The following MAML3 variants were observed in gnomAD, a reference collection of about 807,000 sequenced individuals.
MAML3 encodes mastermind-like protein 3.
Under a neutral mutation model 101.9 loss-of-function variants are expected in MAML3, and 27 were observed. The ratio of observed to expected loss-of-function variants is 0.27; its 90% CI spans 0.20 to 0.37. The LOEUF is 0.37. Among genes scored for constraint, MAML3 ranks in the 10% least tolerant of loss-of-function variants. The probability of loss-of-function intolerance (pLI) is 1.00; values close to 1 mark genes in which losing one functional copy is unlikely to be tolerated. For synonymous variants in MAML3, 501 were observed against 555.9 expected (o/e 0.90, Z 1.39); for missense variants, 1,316 against 1,444.9 (o/e 0.91, Z 1.45).
At chr4:139,746,040 A>G (rs1729309144) in intron 2 of MAML3, among the ~76,000 whole-genome samples, 1 of 152,256 alleles carries the variant, frequency 6.6e-6, no homozygotes, top group African/African-American at 2.4e-5. Context: ...CGAAAGTTCT[A>G]TGGTGGCCCA....
At chr4:139,858,452 C>CTTTT (rs59968954) in intron 2 of MAML3, among the ~76,000 whole-genome samples, 1 of 131,388 alleles carries the variant, frequency 7.6e-6, no homozygotes. Flanking sequence ...TGATTCTTGG[C>CTTTT]TTTTTTTTTT....
At chr4:139,935,684 T>C (rs1482262268) in intron 1 of MAML3, among the ~76,000 whole-genome samples, 3 of 151,982 alleles carry the variant, frequency 2.0e-5, no homozygotes, top group African/African-American at 7.2e-5. Context: ...TGTGGGGTTT[T>C]AGTTTTTAAA....
chr4:140,103,447 G>C (rs2110999355), intron 1 of MAML3, among the ~76,000 whole-genome samples: 1 of 152,190 alleles, frequency 6.6e-6, no homozygotes, highest in African/African-American at 2.4e-5. Flanking sequence ...CATTTAAATG[G>C]GTATTTGTGT....
intron 2 of MAML3, among the ~76,000 whole-genome samples, chr4:139,793,947 A>G (rs540181278): frequency 6.6e-6 from 1 of 152,346 alleles, no homozygotes; most frequent in East Asian, 1.9e-4. Flanking sequence ...AGCACTGTAC[A>G]TCTTGGCTAC....
intron 1 of MAML3, among the ~76,000 whole-genome samples, chr4:140,011,411 C>G (rs1315307842): frequency 2.9e-5 from 4 of 136,598 alleles, no homozygotes; most frequent in Non-Finnish European, 4.7e-5. Flanking sequence ...GTGGCGCAAT[C>G]TCGGCTCACT....
At position 139,719,886 on chromosome 4, in the gene MAML3, G is replaced by A; in HGVS notation, c.2854C>T (p.Leu952Phe). Residue 952 changes from leucine (L) to phenylalanine (F), a missense_variant, in exon 5 of 5, where the codon CTT becomes TTT. Leu to Phe is a conservative substitution (Grantham distance 22, BLOSUM62 0). Coordinates refer to ENST00000509479, the MANE Select transcript of MAML3 (RefSeq NM_018717.5). ...GCTCCTTGCTGGACTGTTCCCATAA[G>A]GCTCTGCAGCCTTGGAGGGGCTTGG... The part of the protein sequence containing the change: ...RPQAPPRLQS[L>F]MGTVQQGAQS... The A allele has an allele frequency of 6.2e-7, 1 of 1,613,982 alleles. No individual in the cohort carries two copies. Among genetic ancestry groups the A allele is most frequent in the Non-Finnish European group, 8.5e-7 (1 of 1,179,910 alleles).
rs561941753 is a variant in MAML3 at position 139,735,086 on chromosome 4, C to T, written c.2080-4419G>A. On this transcript the variant is annotated intron_variant, in intron 2 of 4. Transcript: ENST00000509479. This position sits in a 1 kb window ranked among gnomAD's most constrained non-coding sequence, Gnocchi z 5.8. Reference sequence around the variant, plus strand: ...GCCCGCCCCTCCGCGGCCCCCGCCCCGCGCGTCTGGGCGAGCGCTGCGAAC... The same window carrying T: ...GCCCGCCCCTCCGCGGCCCCCGCCCTGCGCGTCTGGGCGAGCGCTGCGAAC... 6.6e-5 allele frequency among the ~76,000 whole-genome samples: 10 copies of T among 152,324 alleles called. No homozygotes were observed. Among genetic ancestry groups the T allele is most frequent in the Non-Finnish European group, 1.5e-4 (10 of 68,022 alleles).
intron 2 of MAML3, among the ~76,000 whole-genome samples, chr4:139,784,932 GA>G (rs1400452384): frequency 6.6e-6 from 1 of 152,206 alleles, no homozygotes; most frequent in East Asian, 1.9e-4. Context: ...TGGAGACGAG[GA>G]GGGGTGGGAG....
At chr4:139,879,104 A>T (rs536248778) in intron 2 of MAML3, among the ~76,000 whole-genome samples, 77 of 152,330 alleles carry the variant, frequency 5.1e-4, no homozygotes, top group Admixed American at 1.2e-3. Flanking sequence ...ATTTAAACAT[A>T]TACAAATATT....
At chr4:139,999,221 T>C (rs1289832247) in intron 1 of MAML3, among the ~76,000 whole-genome samples, 1 of 152,172 alleles carries the variant, frequency 6.6e-6, no homozygotes, top group East Asian at 1.9e-4. Flanking sequence ...CCACTGGCCA[T>C]ACCCAACCCA....
chr4:139,760,201 A>G (rs1308112568), intron 2 of MAML3, among the ~76,000 whole-genome samples: 1 of 152,260 alleles, frequency 6.6e-6, no homozygotes, highest in African/African-American at 2.4e-5. Flanking sequence ...AGATGAAGGC[A>G]GCAGATACAA....
chr4:140,041,995 A>G (rs1578655793), intron 1 of MAML3, among the ~76,000 whole-genome samples: 1 of 152,214 alleles, frequency 6.6e-6, no homozygotes, highest in East Asian at 1.9e-4. Flanking sequence ...ATAAGGTACC[A>G]TTGGTAACAT....
chr4:139,928,366 A>T (rs957376145), intron 1 of MAML3, among the ~76,000 whole-genome samples: 1 of 152,234 alleles, frequency 6.6e-6, no homozygotes, highest in Non-Finnish European at 1.5e-5. Context: ...TGGATTACAA[A>T]GAAATCTTAG....
At chr4:139,770,163 C>A (rs1306231611) in intron 2 of MAML3, among the ~76,000 whole-genome samples, 1 of 152,108 alleles carries the variant, frequency 6.6e-6, no homozygotes, top group Admixed American at 6.5e-5. Flanking sequence ...ATCTTCTGGG[C>A]TCCAGCGATC....
intron 1 of MAML3, among the ~76,000 whole-genome samples, chr4:140,023,949 C>T (rs1726779623): frequency 6.6e-6 from 1 of 152,228 alleles, no homozygotes; most frequent in Non-Finnish European, 1.5e-5. Flanking sequence ...AGTACTACCT[C>T]TCTACAAGTT....
At chr4:139,760,271 G>T (rs1729729945) in intron 2 of MAML3, among the ~76,000 whole-genome samples, 1 of 152,348 alleles carries the variant, frequency 6.6e-6, no homozygotes, top group Non-Finnish European at 1.5e-5. Flanking sequence ...GATGCTGAAA[G>T]TTGAGCAGAA....
chr4:139,861,401 A>C (rs1731781145), intron 2 of MAML3, among the ~76,000 whole-genome samples: 1 of 150,912 alleles, frequency 6.6e-6, no homozygotes, highest in African/African-American at 2.4e-5. Context: ...CTGAAATTCC[A>C]CCTAGTCTAC....
intron 1 of MAML3, among the ~76,000 whole-genome samples, chr4:139,928,071 C>CTG (rs1209134801): frequency 1.3e-5 from 2 of 152,014 alleles, no homozygotes; most frequent in South Asian, 2.1e-4. Flanking sequence ...ATCTGTGTGT[C>CTG]TGTGTGTGTG....
At chr4:140,046,066 T>A (rs1006893843) in intron 1 of MAML3, among the ~76,000 whole-genome samples, 9 of 152,230 alleles carry the variant, frequency 5.9e-5, no homozygotes, top group African/African-American at 2.2e-4. Context: ...ACATGGGAGT[T>A]ATTTATGCTA....
Sources: gnomAD v4.1 joint callset for allele counts (sites outside exome capture counted in the v4.1 genomes callset) on GRCh38, gnomAD v4.1.1 for gene constraint, Gnocchi (gnomAD v3.1) non-coding constraint, MANE v1.5 for transcripts, NCBI Gene and HGNC (gene_info 2026-07-23, HGNC 2026-07-21) for gene names.